Variants in FSHR observed in about 807,000 individuals in gnomAD.
The protein encoded by FSHR is follicle-stimulating hormone receptor.
Under a neutral mutation model 52.1 loss-of-function variants are expected in FSHR, and 46 were observed. The ratio of observed to expected loss-of-function variants is 0.88; its 90% CI spans 0.70 to 1.13. FSHR has a LOEUF of 1.13. Ranked by LOEUF, FSHR falls within the 50% of genes most tolerant of loss-of-function variation. The pLI is 0.00. For missense variants in FSHR, 964 were observed against 834.6 expected (o/e 1.16, Z -1.91); for synonymous variants, 399 against 309.6 (o/e 1.29, Z -3.03).
intron 2 of FSHR, among the ~76,000 whole-genome samples, chr2:49,052,497 G>A (rs1032866307): frequency 5.3e-5 from 8 of 152,122 alleles, no homozygotes; most frequent in African/African-American, 1.4e-4. Context: ...CTTAGACCTC[G>A]TCCTGGAAAA....
intron 1 of FSHR, among the ~76,000 whole-genome samples, chr2:49,124,308 G>C (rs1671923888): frequency 6.6e-6 from 1 of 151,848 alleles, no homozygotes; most frequent in Non-Finnish European, 1.5e-5. Flanking sequence ...TTTTCTTTAA[G>C]TGTAAGTTTT....
In FSHR at chr2:48,963,510, T is replaced by C. The variant is rs1674328113; in HGVS notation, c.1311A>G (p.Gln437=). Residue 437 remains glutamine, a synonymous_variant, in exon 10 of 10, where the codon CAA becomes CAG. Transcript: ENST00000406846. ...SQYHNYAIDW[Q]TGAGCDAAGF... is the part of the protein sequence containing the mutation. ...CAGCAGCATCACAGCCTGCCCCAGT[T>C]TGCCAGTCAATGGCATAGTTGTGAT... 1 of 1,614,188 alleles carries C rather than the reference T, an allele frequency of 6.2e-7. No homozygotes were observed.
intron 9 of FSHR, among the ~76,000 whole-genome samples, chr2:48,965,594 G>A (rs1373224461): frequency 6.6e-6 from 1 of 152,204 alleles, no homozygotes; most frequent in East Asian, 1.9e-4. Context: ...ATTCCAGGAA[G>A]AGAAAGTAAG....
intron 2 of FSHR, among the ~76,000 whole-genome samples, chr2:49,042,922 A>AT (rs1307154600): frequency 6.6e-6 from 1 of 152,152 alleles, no homozygotes; most frequent in African/African-American, 2.4e-5. Context: ...GGCACCGTCT[A>AT]TTTTTTTATG....
chr2:49,011,217 T>C (rs1667258723), intron 4 of FSHR, among the ~76,000 whole-genome samples: 4 of 151,612 alleles, frequency 2.6e-5, no homozygotes, highest in Admixed American at 2.6e-4. Flanking sequence ...CCACAGATTC[T>C]GGTATGTTGT....
At chr2:49,152,373 T>G (rs1673094206) in intron 1 of FSHR, among the ~76,000 whole-genome samples, 1 of 152,140 alleles carries the variant, frequency 6.6e-6, no homozygotes, top group Non-Finnish European at 1.5e-5. Flanking sequence ...CAGAGATGTG[T>G]TTTAGTCATT....
chr2:48,980,815 TTTC>T (rs1675213796), intron 8 of FSHR, among the ~76,000 whole-genome samples: 1 of 152,182 alleles, frequency 6.6e-6, no homozygotes, highest in South Asian at 2.1e-4. Flanking sequence ...TGGGTTCTGA[TTTC>T]TTCAGTTGGA....
In FSHR at chr2:49,045,199, C is replaced by A. The variant is rs17038137; in HGVS notation, c.224+23020G>T. Among the ~76,000 whole-genome samples, 1,394 of 152,250 alleles carry A rather than the reference C, an allele frequency of 9.2e-3. 17 individuals carry two copies. The highest frequency in any genetic ancestry group is 0.032 in the African/African-American group (1,330 of 41,548). On this transcript the variant is annotated intron_variant, in intron 2 of 9. Coordinates refer to ENST00000406846, the MANE Select transcript of FSHR (RefSeq NM_000145.4). ...TATTTTATCAACAACTACACTGAAG[C>A]AGAGGCTGTGTGCCATTTCTCTTGT...
chr2:48,986,797 G>A (rs538309962), intron 6 of FSHR, among the ~76,000 whole-genome samples: 34 of 152,260 alleles, frequency 2.2e-4, no homozygotes, highest in African/African-American at 7.9e-4. Context: ...GTTGGGGAGA[G>A]TTGAGACCAG....
intron 4 of FSHR, among the ~76,000 whole-genome samples, chr2:48,997,572 G>A (rs1443691173): frequency 1.3e-5 from 2 of 151,962 alleles, no homozygotes; most frequent in East Asian, 3.9e-4. Context: ...TTTAAGATGT[G>A]TAGCCTTAGG....
At chr2:49,063,353 G>A (rs1669381676) in intron 2 of FSHR, among the ~76,000 whole-genome samples, 1 of 152,048 alleles carries the variant, frequency 6.6e-6, no homozygotes, top group Non-Finnish European at 1.5e-5. Context: ...GCACTCTGAT[G>A]TTTATTGTAG....
rs1189825007 is a variant in FSHR, at chr2:48,983,881, G to A, written c.525-715C>T. On this transcript the variant is annotated intron_variant, in intron 6 of 9. Transcript: ENST00000406846. ...CAGCCATCCTGATTGCGCTAAGAAG[G>A]TCAGTGAGCAGGGTTCCCTGGACAG... Among the ~76,000 whole-genome samples the A allele has an allele frequency of 2.6e-5, 4 of 152,084 alleles. No homozygotes were observed. In the East Asian group the frequency reaches 7.7e-4, roughly 29 times the overall value.
chr2:48,994,111 G>GT (rs1486644940), intron 4 of FSHR, among the ~76,000 whole-genome samples: 1 of 152,136 alleles, frequency 6.6e-6, no homozygotes. Context: ...TGTGCTCAAT[G>GT]TTTGCCAAGC....
At chr2:49,140,610 G>A (rs1672649103) in intron 1 of FSHR, among the ~76,000 whole-genome samples, 1 of 151,910 alleles carries the variant, frequency 6.6e-6, no homozygotes, top group Admixed American at 6.6e-5. Context: ...TGAGGCAGGA[G>A]AATCACTTGA....
intron 1 of FSHR, among the ~76,000 whole-genome samples, chr2:49,102,849 G>A (rs201274866): frequency 2.5e-5 from 3 of 118,294 alleles, no homozygotes; most frequent in East Asian, 2.6e-4. Context: ...TTTCTGCCAC[G>A]GTTTGTTATT....
At chr2:48,985,396 C>T (rs2104077847) in intron 6 of FSHR, among the ~76,000 whole-genome samples, 1 of 149,466 alleles carries the variant, frequency 6.7e-6, no homozygotes, top group African/African-American at 2.5e-5. Context: ...TCCTGAGGCC[C>T]GAGTGTGCTG....
Position 49,101,892 on chromosome 2 carries a change from A to C in FSHR, c.153-33602T>G, listed in dbSNP as rs538775758. On this transcript the variant is annotated intron_variant, in intron 1 of 9. Transcript: ENST00000406846. Reference sequence around the variant, plus strand: ...AAGGTGGCACAGGGTATTATATGGCAATAGGACTGAGTGTGCTAGCTCAGG... The same window carrying C: ...AAGGTGGCACAGGGTATTATATGGCCATAGGACTGAGTGTGCTAGCTCAGG... 1.1e-3 allele frequency among the ~76,000 whole-genome samples: 167 copies of C among 152,224 alleles called. 1 individual carries two copies. The highest frequency in any genetic ancestry group is 2.1e-3 in the Non-Finnish European group (145 of 68,008).
chr2:49,119,131 G>A (rs1334364677), intron 1 of FSHR, among the ~76,000 whole-genome samples: 1 of 152,106 alleles, frequency 6.6e-6, no homozygotes, highest in African/African-American at 2.4e-5. Flanking sequence ...CGTGGACCCC[G>A]GAAATTTCCA....
At chr2:49,123,188 A>G (rs896195077) in intron 1 of FSHR, among the ~76,000 whole-genome samples, 2 of 152,172 alleles carry the variant, frequency 1.3e-5, no homozygotes, top group Non-Finnish European at 2.9e-5. Context: ...ATGTCTCAAA[A>G]TAGCTAAAAG....
Sources: allele counts gnomAD v4.1 joint callset (sites outside exome capture counted in the v4.1 genomes callset), GRCh38; gene constraint gnomAD v4.1.1; transcripts MANE v1.5; gene names NCBI Gene and HGNC (gene_info 2026-07-23, HGNC 2026-07-21).